Variants in MPRIP observed in about 807,000 individuals in gnomAD.
The protein encoded by MPRIP is myosin phosphatase Rho-interacting protein.
In MPRIP, 59 loss-of-function variants were observed where a neutral mutation model predicts 234.9. The ratio of observed to expected loss-of-function variants is 0.25; its 90% CI spans 0.20 to 0.31. MPRIP has a LOEUF of 0.31. Ranked by LOEUF, MPRIP falls within the 10% of genes least tolerant of loss-of-function variation. The probability of loss-of-function intolerance (pLI) is 1.00; values close to 1 mark genes in which losing one functional copy is unlikely to be tolerated. For synonymous variants in MPRIP, 1,144 were observed against 1,263.9 expected, an observed-to-expected ratio of 0.91 and a Z score of 2.01; for missense variants, 2,436 against 3,071.0, an observed-to-expected ratio of 0.79 and a Z score of 4.89.
rs1370563039 is a variant in MPRIP at position 17,165,395 on chromosome 17, G to A, written c.3804G>A (p.Glu1268=). 3.1e-6 allele frequency: 4 copies of A among 1,304,096 alleles called. No homozygotes were observed. In the African/African-American group the frequency reaches 6.1e-5, roughly 20 times the overall value. The allele number at this position is 1,304,096 out of a possible 1,614,324, so 80.8% of individuals were successfully genotyped here. A position where few individuals can be genotyped will look rare whatever the true frequency, so the allele number is the denominator to read the frequency against. ...LPHTRLEDED[E]DLGAPPGEEY... is the part of the protein sequence containing the mutation. ...ACACAAGGCTCGAGGATGAGGACGA[G>A]GACCTGGGGGCTCCTCCGGGGGAAG... The change falls in exon 16 of 24, where the codon GAG becomes GAA. Residue 1268 remains glutamate, a synonymous_variant. Coordinates refer to ENST00000651222, the MANE Select transcript of MPRIP (RefSeq NM_001364716.4).
chr17:17,102,652 A>G (rs1567716031), intron 3 of MPRIP, among the ~76,000 whole-genome samples: 1 of 151,816 alleles, frequency 6.6e-6, no homozygotes, highest in East Asian at 1.9e-4. Context: ...TGGTATACAC[A>G]CCCCCAAGAG....
chr17:17,099,598 A>G (rs1014795805), intron 3 of MPRIP, among the ~76,000 whole-genome samples: 3 of 152,180 alleles, frequency 2.0e-5, no homozygotes, highest in East Asian at 3.9e-4. Flanking sequence ...GTGGTGGTGC[A>G]TACCTATAGT....
At position 17,102,883 on chromosome 17, in the gene MPRIP, C is replaced by G. The variant is rs772480910; in HGVS notation, c.268-23819C>G. Among the ~76,000 whole-genome samples the G allele has an allele frequency of 2.8e-4, 42 of 152,368 alleles. 1 individual carries two copies. The highest frequency in any genetic ancestry group is 5.3e-4 in the Non-Finnish European group (36 of 68,034). On this transcript the variant is annotated intron_variant, in intron 3 of 23. Transcript: ENST00000651222. ...GCTCCATGTAATTCTTCTTCCTGCCCTTACCCAGCCAAACCTGCACCCTTC... is the reference window on the plus strand; with the variant it reads ...GCTCCATGTAATTCTTCTTCCTGCCGTTACCCAGCCAAACCTGCACCCTTC...
At chr17:17,117,289 G>A (rs2090304816) in intron 3 of MPRIP, among the ~76,000 whole-genome samples, 1 of 152,232 alleles carries the variant, frequency 6.6e-6, no homozygotes, top group Admixed American at 6.5e-5. Flanking sequence ...GTGCAGTATC[G>A]TTTGTAGTCT....
chr17:17,082,137 A>C (rs1367454764), intron 3 of MPRIP, among the ~76,000 whole-genome samples: 1 of 152,156 alleles, frequency 6.6e-6, no homozygotes, highest in African/African-American at 2.4e-5. Context: ...GTCACCAGAC[A>C]TCACTAGAAG....
intron 3 of MPRIP, among the ~76,000 whole-genome samples, chr17:17,095,734 G>T (rs2089823232): frequency 6.6e-6 from 1 of 152,148 alleles, no homozygotes; most frequent in Non-Finnish European, 1.5e-5. Context: ...CCTGGGATCT[G>T]CCTGCCCTTG....
At position 17,090,741 on chromosome 17, in the gene MPRIP, G is replaced by A. The variant is rs958280834; in HGVS notation, c.267+12665G>A. ...TCCTGAAAATGGTCGCATGAGGAGA[G>A]CAGTAACTTGCCCAAAATCAGGGTT... On this transcript the variant is annotated intron_variant, in intron 3 of 23. Coordinates refer to ENST00000651222, the MANE Select transcript of MPRIP (RefSeq NM_001364716.4). Among the ~76,000 whole-genome samples the A allele has an allele frequency of 6.6e-5, 10 of 152,198 alleles. 1 individual carries two copies. The highest frequency in any genetic ancestry group is 2.4e-4 in the African/African-American group (10 of 41,450).
intron 3 of MPRIP, among the ~76,000 whole-genome samples, chr17:17,093,890 A>T (rs1487112738): frequency 6.6e-6 from 1 of 152,212 alleles, no homozygotes; most frequent in Non-Finnish European, 1.5e-5. Flanking sequence ...TAGCTCTTTC[A>T]TCGGCCTGGC....
At chr17:17,082,145 A>G (rs2089475737) in intron 3 of MPRIP, among the ~76,000 whole-genome samples, 1 of 152,118 alleles carries the variant, frequency 6.6e-6, no homozygotes, top group Non-Finnish European at 1.5e-5. Flanking sequence ...ACATCACTAG[A>G]AGGCTCTTGG....
intron 1 of MPRIP, among the ~76,000 whole-genome samples, chr17:17,052,429 T>C (rs1452419833): frequency 6.6e-6 from 1 of 152,172 alleles, no homozygotes; most frequent in Admixed American, 6.5e-5. Context: ...CCTCCCTGCC[T>C]TTCCCCCACA....
At chr17:17,157,613 G>T (rs191352192) in intron 13 of MPRIP, among the ~76,000 whole-genome samples, 131 of 152,304 alleles carry the variant, frequency 8.6e-4, no homozygotes, top group African/African-American at 3.1e-3. Context: ...CGGATCACCT[G>T]AGGTCAGGAG....
At position 17,137,960 on chromosome 17, in the gene MPRIP, G is replaced by C; in HGVS notation, c.781G>C (p.Val261Leu). 1 of 1,612,986 alleles carries C rather than the reference G, an allele frequency of 6.2e-7. No individual in the cohort carries two copies. The highest frequency in any genetic ancestry group is 8.5e-7 in the Non-Finnish European group (1 of 1,179,610). The part of the protein sequence containing the change: ...SSDRMDCGRK[V>L]RVESGYFSLE... ...CGACCGCATGGACTGTGGCCGCAAA[G>C]TCCGGGTGGAGAGCGGCTACTTCTC... Residue 261 changes from valine to leucine, a missense_variant, in exon 7 of 24, where the codon GTC (valine) becomes CTC (leucine). Physicochemically the swap from Val to Leu is conservative, Grantham distance 32 (BLOSUM62 1). This residue lies in a region of MPRIP where 267 missense variants were observed against 252.7 expected (regional missense o/e 1.06). Coordinates refer to ENST00000651222, the MANE Select transcript of MPRIP (RefSeq NM_001364716.4).
Position 17,166,732 on chromosome 17 carries a change from C to T in MPRIP, c.5141C>T (p.Ala1714Val). ...HKCLLREILGAYQTPDFERVM... is the reference protein window; with the variant it reads ...HKCLLREILGVYQTPDFERVM... ...TGCCTGCTGAGGGAAATCCTGGGAGCCTACCAAACCCCAGACTTTGAAAGA... is the reference window on the plus strand; with the variant it reads ...TGCCTGCTGAGGGAAATCCTGGGAGTCTACCAAACCCCAGACTTTGAAAGA... The change falls in exon 16 of 24, where the codon GCC (alanine) becomes GTC (valine). Residue 1714 changes from alanine (A) to valine (V), a missense_variant. By Grantham distance (64) the Ala-to-Val change is moderately conservative. Around this residue, in one of 4 missense-constraint regions of MPRIP, gnomAD observed 1,998 missense variants for 2,520.3 expected, o/e 0.79. Coordinates refer to ENST00000651222, the MANE Select transcript of MPRIP (RefSeq NM_001364716.4). This position sits in a 1 kb window ranked among gnomAD's most constrained non-coding sequence, Gnocchi z 4.4. 7.7e-7 allele frequency: 1 copy of T among 1,304,166 alleles called. No homozygotes were observed. The highest frequency in any genetic ancestry group is 1.2e-5 in the South Asian group (1 of 81,032). The allele number at this position is 1,304,166 out of a possible 1,614,324, so 80.8% of individuals were successfully genotyped here.
rs2046611396 is a variant in MPRIP at position 17,192,435 on chromosome 17, G to GGGGC, written c.*7544_*7545insCGGG. On this transcript the variant is annotated 3_prime_UTR_variant, in exon 24 of 24. Coordinates refer to ENST00000651222, the MANE Select transcript of MPRIP (RefSeq NM_001364716.4). ...AGCTGCTGCTTTTTTTTTGGGGGGG[G>GGGGC]GGGGGGGAGGGGCGTCTTGAGGCTT... 1 of 119,718 alleles carries GGGGC rather than the reference G, an allele frequency of 8.4e-6. No homozygotes were observed. The highest frequency in any genetic ancestry group is 3.1e-5 in the African/African-American group (1 of 32,660). The allele number at this position is 119,718 out of a possible 1,614,324, so 7.4% of individuals were successfully genotyped here. A position where few individuals can be genotyped will look rare whatever the true frequency, so the allele number is the denominator to read the frequency against.
chr17:17,089,243 C>A (rs1467654882), intron 3 of MPRIP, among the ~76,000 whole-genome samples: 4 of 152,144 alleles, frequency 2.6e-5, no homozygotes, highest in Non-Finnish European at 5.9e-5. Context: ...AAATGAGTAC[C>A]ACTTAGCTAA....
Position 17,184,984 on chromosome 17 carries a change from A to T in MPRIP, c.*90A>T. 1 of 802,744 alleles carries T rather than the reference A, an allele frequency of 1.2e-6. No homozygotes were observed. The highest frequency in any genetic ancestry group is 2.1e-6 in the Non-Finnish European group (1 of 470,998). The allele number at this position is 802,744 out of a possible 1,614,324, so 49.7% of individuals were successfully genotyped here. A position where few individuals can be genotyped will look rare whatever the true frequency, so the allele number is the denominator to read the frequency against. ...TTTTCACCTGTACCTTTGTTTTATT[A>T]TTATTATTATTATTGCTGTTGTTGT... is the stretch of plus-strand genomic sequence containing the variant. On this transcript the variant is annotated 3_prime_UTR_variant, in exon 24 of 24. Coordinates refer to ENST00000651222, the MANE Select transcript of MPRIP (RefSeq NM_001364716.4).
At chr17:17,147,656 A>G (rs1423686535) in intron 11 of MPRIP, among the ~76,000 whole-genome samples, 1 of 152,214 alleles carries the variant, frequency 6.6e-6, no homozygotes, top group East Asian at 1.9e-4. Context: ...CCTTGAATTA[A>G]GTGCCCAGTG....
At chr17:17,161,417 A>G (rs1196881642) in intron 15 of MPRIP, 61 bp downstream of exon 15, 24 of 1,252,860 alleles carry the variant, frequency 1.9e-5, no homozygotes, top group Non-Finnish European at 2.6e-5. Flanking sequence ...TGAAGGGTTC[A>G]TGCTCAGGCA....
intron 3 of MPRIP, among the ~76,000 whole-genome samples, chr17:17,117,700 C>T (rs2090313618): frequency 6.6e-6 from 1 of 152,222 alleles, no homozygotes; most frequent in Non-Finnish European, 1.5e-5. Flanking sequence ...GAGTACCTGT[C>T]TTCTGTTCTT....
Sources: allele counts gnomAD v4.1 joint callset (sites outside exome capture counted in the v4.1 genomes callset), GRCh38; gene constraint gnomAD v4.1.1; regional missense constraint gnomAD v4.1.1; non-coding constraint Gnocchi (gnomAD v3.1); transcripts MANE v1.5; gene names NCBI Gene and HGNC (gene_info 2026-07-23, HGNC 2026-07-21).